The following SUFU variants were observed in gnomAD, a reference collection of about 807,000 sequenced individuals.
SUFU encodes suppressor of fused homolog.
Under a neutral mutation model 58.9 loss-of-function variants are expected in SUFU, and 7 were observed. The observed-to-expected ratio is 0.12, with a 90% CI of 0.07 to 0.22. The LOEUF (loss-of-function observed/expected upper bound fraction) is 0.22. Ranked by LOEUF, SUFU falls within the 10% of genes least tolerant of loss-of-function variation. The probability of loss-of-function intolerance (pLI) is 1.00; values close to 1 mark genes in which losing one functional copy is unlikely to be tolerated. For synonymous variants in SUFU, 232 were observed against 254.8 expected (o/e 0.91, Z 0.85); for missense variants, 451 against 641.3 (o/e 0.70, Z 3.20).
At position 102,599,534 on chromosome 10, in the gene SUFU, G is replaced by C. The variant is rs145082320; in HGVS notation, c.1012G>C (p.Asp338His). The C allele has an allele frequency of 2.5e-6, 4 of 1,614,072 alleles. No homozygotes were observed. In the East Asian group the frequency reaches 8.9e-5, roughly 36 times the overall value. Residue 338 changes from aspartate (D) to histidine (H), a missense_variant, in exon 8 of 12, where the codon GAC becomes CAC. Asp to His is a moderately conservative substitution (Grantham distance 81). Transcript: ENST00000369902. ...NPQRQNGLAH[D>H]RAPSRKDSLE... ...TCAGCGGCAGAATGGCCTCGCCCAC[G>C]ACCGGGCCCCGTAAGTTCCCCAGTG...
At chr10:102,563,695 C>CA (rs1269613158) in intron 3 of SUFU, among the ~76,000 whole-genome samples, 1 of 148,004 alleles carries the variant, frequency 6.8e-6, no homozygotes, top group Admixed American at 6.7e-5. Context: ...GACCCTGCCT[C>CA]AAAAAACAAA....
At chr10:102,587,679 A>T (rs1254568284) in intron 3 of SUFU, among the ~76,000 whole-genome samples, 1 of 152,046 alleles carries the variant, frequency 6.6e-6, no homozygotes, top group Admixed American at 6.6e-5. Context: ...TTTTTAGTGG[A>T]GACGGGGTTT....
At chr10:102,549,822 C>T (rs2062892882) in intron 2 of SUFU, 148 bp from the exon 3 acceptor site, 1 of 1,011,242 alleles carries the variant, frequency 9.9e-7, no homozygotes, top group Non-Finnish European at 1.5e-6. Context: ...AGGTTCCCTC[C>T]CCACAAGGCT....
chr10:102,584,858 G>A (rs993138402), intron 3 of SUFU, among the ~76,000 whole-genome samples: 4 of 152,256 alleles, frequency 2.6e-5, no homozygotes, highest in Non-Finnish European at 4.4e-5. Flanking sequence ...TTTGGAAAGT[G>A]TTGGGCCATG....
intron 3 of SUFU, among the ~76,000 whole-genome samples, chr10:102,564,664 GC>G (rs2063070635): frequency 6.6e-6 from 1 of 152,124 alleles, no homozygotes; most frequent in South Asian, 2.1e-4. Context: ...TCGCTAAGCT[GC>G]CTATTGCCCC....
chr10:102,599,860 C>T (rs2063500045), intron 8 of SUFU, among the ~76,000 whole-genome samples: 1 of 152,208 alleles, frequency 6.6e-6, no homozygotes, highest in Non-Finnish European at 1.5e-5. Context: ...GCCCATTGTG[C>T]TGAGCACGGT....
At chr10:102,567,951 G>C (rs1176056645) in intron 3 of SUFU, among the ~76,000 whole-genome samples, 2 of 152,278 alleles carry the variant, frequency 1.3e-5, no homozygotes, top group African/African-American at 2.4e-5. Flanking sequence ...AACCGGGCAT[G>C]TCTAGGTCCT....
chr10:102,535,504 A>G (rs1485714816), intron 2 of SUFU, among the ~76,000 whole-genome samples: 1 of 151,806 alleles, frequency 6.6e-6, no homozygotes, highest in Non-Finnish European at 1.5e-5. Flanking sequence ...AAAAAGAGAA[A>G]GAAAAGAAAG....
At chr10:102,508,474 A>AT (rs1027925571) in intron 1 of SUFU, among the ~76,000 whole-genome samples, 5 of 151,998 alleles carry the variant, frequency 3.3e-5, no homozygotes, top group African/African-American at 1.2e-4. Flanking sequence ...TCCTGGGATC[A>AT]TTTTCTGGGT....
intron 2 of SUFU, among the ~76,000 whole-genome samples, chr10:102,526,320 CG>C (rs540158887): frequency 1.3e-5 from 2 of 151,650 alleles, no homozygotes; most frequent in East Asian, 1.9e-4. Context: ...TGGGAGGCCA[CG>C]GGGGGGTGGA....
intron 8 of SUFU, among the ~76,000 whole-genome samples, chr10:102,601,009 A>G (rs2063510667): frequency 6.6e-6 from 1 of 152,150 alleles, no homozygotes; most frequent in Non-Finnish European, 1.5e-5. Flanking sequence ...TCCCGGGTCT[A>G]CACTCCTTCC....
chr10:102,618,770 C>G (rs2063711489), intron 10 of SUFU: 2 of 502,362 alleles, frequency 4.0e-6, no homozygotes, highest in Admixed American at 3.5e-5. Flanking sequence ...GGGCCTCCCT[C>G]CATTCCCTAC....
chr10:102,560,681 C>CT (rs1226755583), intron 3 of SUFU, among the ~76,000 whole-genome samples: 1 of 152,184 alleles, frequency 6.6e-6, no homozygotes, highest in African/African-American at 2.4e-5. Flanking sequence ...TCAGGATGTT[C>CT]TTTTTAACGC....
At chr10:102,556,610 G>T (rs1164768626) in intron 3 of SUFU, among the ~76,000 whole-genome samples, 2 of 152,012 alleles carry the variant, frequency 1.3e-5, no homozygotes, top group Non-Finnish European at 2.9e-5. Context: ...GGGAGTGCTG[G>T]CACGTGCCTG....
intron 3 of SUFU, among the ~76,000 whole-genome samples, chr10:102,560,616 C>T (rs1365115450): frequency 6.6e-6 from 1 of 152,094 alleles, no homozygotes; most frequent in African/African-American, 2.4e-5. Context: ...ATGGACTATG[C>T]TTTTCATACT....
chr10:102,567,557 G>T (rs1364207357), intron 3 of SUFU, among the ~76,000 whole-genome samples: 1 of 152,154 alleles, frequency 6.6e-6, no homozygotes, highest in Non-Finnish European at 1.5e-5. Context: ...TCCCTCGAGG[G>T]TTCTGATGAG....
chr10:102,547,341 G>A (rs1178045740), intron 2 of SUFU, among the ~76,000 whole-genome samples: 1 of 152,168 alleles, frequency 6.6e-6, no homozygotes, highest in Non-Finnish European at 1.5e-5. Context: ...TGTTCCCTCA[G>A]CCTGCCTGCA....
Position 102,504,316 on chromosome 10 carries a change from C to T in SUFU, c.164C>T (p.Thr55Ile), listed in dbSNP as rs2135598749. 6 of 1,614,010 alleles carry T rather than the reference C, an allele frequency of 3.7e-6. No homozygotes were observed. Among genetic ancestry groups the T allele is most frequent in the Non-Finnish European group, 4.2e-6 (5 of 1,179,962 alleles). Residue 55 changes from threonine to isoleucine, a missense_variant, in exon 1 of 12, where the codon ACC (threonine) becomes ATC (isoleucine). Thr to Ile is a moderately conservative substitution (Grantham distance 89). Transcript: ENST00000369902. The part of the protein sequence containing the change: ...YPDQPNPLQV[T>I]AIVKYWLGGP... Reference sequence around the variant, plus strand: ...GACCAGCCGAACCCGCTCCAGGTTACCGCTATCGTCAAGTACTGGTATGCT... The same window carrying T: ...GACCAGCCGAACCCGCTCCAGGTTATCGCTATCGTCAAGTACTGGTATGCT...
chr10:102,545,583 T>G (rs2062847222), intron 2 of SUFU, among the ~76,000 whole-genome samples: 2 of 152,206 alleles, frequency 1.3e-5, no homozygotes, highest in Non-Finnish European at 2.9e-5. Flanking sequence ...AGTATTCCTA[T>G]TTCTCCACGT....
Sources: allele counts gnomAD v4.1 joint callset (sites outside exome capture counted in the v4.1 genomes callset), GRCh38; gene constraint gnomAD v4.1.1; transcripts MANE v1.5; gene names NCBI Gene and HGNC (gene_info 2026-07-23, HGNC 2026-07-21).